TNNI3K: variants seen among roughly 807,000 people sequenced by gnomAD.
The protein encoded by TNNI3K is serine/threonine-protein kinase TNNI3K.
Under a neutral mutation model 114.5 loss-of-function variants are expected in TNNI3K, and 140 were observed. The observed-to-expected ratio is 1.22, with a 90% CI of 1.07 to 1.41. The LOEUF (loss-of-function observed/expected upper bound fraction) is 1.41, where lower values mean the gene tolerates loss of function less well. Ranked by LOEUF, TNNI3K falls within the 40% of genes most tolerant of loss-of-function variation. The pLI, the probability that TNNI3K is intolerant of heterozygous loss-of-function variation, is 0.00. For missense variants in TNNI3K, 1,125 were observed against 1,007.6 expected, an observed-to-expected ratio of 1.12 and a Z score of -1.58; for synonymous variants, 347 against 347.5, an observed-to-expected ratio of 1.00 and a Z score of 0.02.
chr1:74,495,999 C>A (rs1669308360), intron 23 of TNNI3K, among the ~76,000 whole-genome samples: 1 of 152,148 alleles, frequency 6.6e-6, no homozygotes, highest in Admixed American at 6.5e-5. Flanking sequence ...AGTTTAACAG[C>A]TTGTGAGACA....
chr1:74,485,039 T>C (rs1570684480), intron 21 of TNNI3K, among the ~76,000 whole-genome samples: 1 of 152,186 alleles, frequency 6.6e-6, no homozygotes, highest in East Asian at 1.9e-4. Context: ...TTTGAGCTCA[T>C]TTAACCTGTC....
At chr1:74,419,408 A>C (rs1480641301) in intron 17 of TNNI3K, among the ~76,000 whole-genome samples, 1 of 152,106 alleles carries the variant, frequency 6.6e-6, no homozygotes, top group East Asian at 1.9e-4. Context: ...AAAGTCTGGG[A>C]ATTAGGAGGT....
At chr1:74,316,752 C>G (rs1345654695) in intron 5 of TNNI3K, among the ~76,000 whole-genome samples, 6 of 151,890 alleles carry the variant, frequency 4.0e-5, no homozygotes, top group African/African-American at 1.4e-4. Flanking sequence ...TGCAGTGGCA[C>G]GATCTTGGCT....
chr1:74,325,126 C>G (rs1486048089), intron 5 of TNNI3K, among the ~76,000 whole-genome samples: 1 of 152,156 alleles, frequency 6.6e-6, no homozygotes, highest in Non-Finnish European at 1.5e-5. Flanking sequence ...TGACCAGGAA[C>G]TGACCTTTGA....
intron 7 of TNNI3K, 46 bp from the exon 8 acceptor site, chr1:74,342,792 GAAAC>G (rs753025417): frequency 6.2e-7 from 1 of 1,606,568 alleles, no homozygotes; most frequent in Admixed American, 1.7e-5. Flanking sequence ...TGAAGGTTGA[GAAAC>G]AAACAATTCT....
At chr1:74,333,437 G>A (rs932738944) in intron 6 of TNNI3K, among the ~76,000 whole-genome samples, 8 of 152,188 alleles carry the variant, frequency 5.3e-5, no homozygotes, top group Admixed American at 5.2e-4. Context: ...CATATTATTT[G>A]TAGAGTCATC....
intron 7 of TNNI3K, among the ~76,000 whole-genome samples, chr1:74,337,617 A>C (rs950350080): frequency 1.3e-5 from 2 of 152,280 alleles, no homozygotes; most frequent in African/African-American, 2.4e-5. Flanking sequence ...CCTGATGAAT[A>C]TTTATGTATG....
intron 17 of TNNI3K, among the ~76,000 whole-genome samples, chr1:74,419,199 T>C (rs1445365094): frequency 6.6e-6 from 1 of 152,030 alleles, no homozygotes; most frequent in East Asian, 1.9e-4. Flanking sequence ...TGGTTCTTGG[T>C]CATATCACTC....
chr1:74,535,835 A>C (rs1646654964), intron 23 of TNNI3K, among the ~76,000 whole-genome samples: 1 of 152,208 alleles, frequency 6.6e-6, no homozygotes, highest in African/African-American at 2.4e-5. Flanking sequence ...ACCACTCGTC[A>C]TCTGGAACAG....
intron 21 of TNNI3K, chr1:74,468,908 G>A: frequency 6.6e-6 from 1 of 151,976 alleles, no homozygotes; most frequent in East Asian, 1.9e-4. Flanking sequence ...TTTCAAATAA[G>A]CATGGCTTTG....
intron 5 of TNNI3K, among the ~76,000 whole-genome samples, chr1:74,299,408 G>C (rs1658183034): frequency 2.0e-5 from 1 of 51,144 alleles, no homozygotes; most frequent in African/African-American, 7.2e-5. Flanking sequence ...AAGTAGATTA[G>C]AATCTTGAAA....
At chr1:74,472,289 T>A (rs1047080955) in intron 21 of TNNI3K, 1 of 649,250 alleles carries the variant, frequency 1.5e-6, no homozygotes, top group African/African-American at 1.8e-5. Flanking sequence ...ATGAAAAGTA[T>A]AAAACTGACT....
intron 23 of TNNI3K, among the ~76,000 whole-genome samples, chr1:74,499,321 AT>A (rs1246904184): frequency 6.6e-6 from 1 of 152,040 alleles, no homozygotes; most frequent in Non-Finnish European, 1.5e-5. Flanking sequence ...TTTAATTTTT[AT>A]TTTTGTAGAA....
intron 5 of TNNI3K, among the ~76,000 whole-genome samples, chr1:74,329,324 T>C (rs1289240513): frequency 6.6e-6 from 1 of 152,052 alleles, no homozygotes; most frequent in African/African-American, 2.4e-5. Flanking sequence ...AGTCCCTCAA[T>C]AAAAGCTCAT....
At chr1:74,479,756 T>C (rs184432052) in intron 21 of TNNI3K, among the ~76,000 whole-genome samples, 58 of 152,292 alleles carry the variant, frequency 3.8e-4, no homozygotes, top group African/African-American at 1.1e-3. Flanking sequence ...GTCCCATCAG[T>C]TTTTAAATAT....
chr1:74,482,917 T>C (rs1478456335), intron 21 of TNNI3K, among the ~76,000 whole-genome samples: 1 of 152,214 alleles, frequency 6.6e-6, no homozygotes, highest in Non-Finnish European at 1.5e-5. Flanking sequence ...TTCTGATTCA[T>C]TGATATTTCT....
intron 17 of TNNI3K, among the ~76,000 whole-genome samples, chr1:74,427,036 A>G (rs1327997457): frequency 3.9e-5 from 6 of 152,082 alleles, no homozygotes; most frequent in Non-Finnish European, 8.8e-5. Context: ...TTTCCTTTCA[A>G]TTCTAAAATA....
intron 17 of TNNI3K, among the ~76,000 whole-genome samples, chr1:74,432,742 G>A (rs1381197412): frequency 6.6e-6 from 1 of 151,940 alleles, no homozygotes; most frequent in African/African-American, 2.4e-5. Context: ...GGCACTAGCT[G>A]GTAGGCCTGA....
At chr1:74,330,201 A>T (rs1660124198) in intron 5 of TNNI3K, among the ~76,000 whole-genome samples, 1 of 152,100 alleles carries the variant, frequency 6.6e-6, no homozygotes, top group Admixed American at 6.5e-5. Context: ...CGTATTGATT[A>T]TTTTGAGCTA....
Sources: gnomAD v4.1 joint callset for allele counts (sites outside exome capture counted in the v4.1 genomes callset) on GRCh38, gnomAD v4.1.1 for gene constraint, MANE v1.5 for transcripts, NCBI Gene and HGNC (gene_info 2026-07-23, HGNC 2026-07-21) for gene names.